The following ADAM32 variants were observed in gnomAD, a reference collection of about 807,000 sequenced individuals.
The protein encoded by ADAM32 is disintegrin and metalloproteinase domain-containing protein 32.
ADAM32 carries 89 observed loss-of-function variants against 114.9 expected under a neutral mutation model. The observed-to-expected ratio is 0.77, with a 90% confidence interval of 0.65 to 0.92. ADAM32 has a LOEUF of 0.92. ADAM32 is among the 40% of genes least tolerant of loss of function. The pLI, the probability that ADAM32 is intolerant of heterozygous loss-of-function variation, is 0.00. For synonymous variants in ADAM32, 285 were observed against 307.5 expected (o/e 0.93, Z 0.77); for missense variants, 870 against 932.8 (o/e 0.93, Z 0.88).
chr8:39,271,358 T>C (rs1812707309), intron 20 of ADAM32, among the ~76,000 whole-genome samples: 1 of 151,924 alleles, frequency 6.6e-6, no homozygotes, highest in South Asian at 2.1e-4. Context: ...CAGAGAGCAA[T>C]GCATTACTCA....
chr8:39,269,764 G>T (rs535831433), intron 19 of ADAM32, among the ~76,000 whole-genome samples: 9 of 152,314 alleles, frequency 5.9e-5, no homozygotes, highest in African/African-American at 1.7e-4. Context: ...AATTCTGTGT[G>T]TGCTGTGTTA....
chr8:39,274,611 A>C (rs183547223), intron 21 of ADAM32, among the ~76,000 whole-genome samples: 1 of 152,336 alleles, frequency 6.6e-6, no homozygotes, highest in East Asian at 1.9e-4. Context: ...ATGTATAATT[A>C]GTAAAGAAAA....
chr8:39,138,335 C>A (rs190084035), intron 3 of ADAM32, among the ~76,000 whole-genome samples: 31 of 152,172 alleles, frequency 2.0e-4, no homozygotes, highest in Non-Finnish European at 2.5e-4. Flanking sequence ...TCCCCCACCC[C>A]CCAACAGGCC....
chr8:39,221,268 C>T, intron 12 of ADAM32: 1 of 168,748 alleles, frequency 5.9e-6, no homozygotes, highest in Non-Finnish European at 1.3e-5. Context: ...TATATTTTTC[C>T]ATGCCTTTAT....
chr8:39,187,041 G>A lies in ADAM32; in HGVS notation c.1048G>A (p.Val350Ile). 1 of 1,599,726 alleles carries A rather than the reference G, an allele frequency of 6.3e-7. No individual in the cohort carries two copies. Among genetic ancestry groups the A allele is most frequent in the South Asian group, 1.1e-5 (1 of 87,360 alleles). Residue 350 changes from valine to isoleucine, a missense_variant, in exon 11 of 25, where the codon GTT becomes ATT. Physicochemically the swap from Val to Ile is conservative, Grantham distance 29 (BLOSUM62 3). Transcript: ENST00000379907. ...SESTCIMNPEVVQSNGVKTFS... is the reference protein window; with the variant it reads ...SESTCIMNPEIVQSNGVKTFS... ...ATCCACCTGTATAATGAATCCAGAAGTTGTGTAAGTTTTAACAATTTATTT... is the reference window on the plus strand; with the variant it reads ...ATCCACCTGTATAATGAATCCAGAAATTGTGTAAGTTTTAACAATTTATTT...
chr8:39,210,911 CTG>C lies in ADAM32; in HGVS notation c.1053-217_1053-216del, dbSNP rs144579864. Among the ~76,000 whole-genome samples, 24 of 150,234 alleles carry C rather than the reference CTG, an allele frequency of 1.6e-4. No individual in the cohort carries two copies. In the South Asian group the frequency reaches 2.5e-3, roughly 16 times the overall value. On this transcript the variant is annotated intron_variant, in intron 11 of 24. Transcript: ENST00000379907. ...CTTTGCCTATTTTAAAATTGGATTA[CTG>C]TGTGTGTGTGTGTGTTGCTATTGAA...
rs540827048 is a variant in ADAM32, at chr8:39,118,075, T to A, written c.59-11T>A. On this transcript the variant is annotated splice_polypyrimidine_tract_variant and intron_variant, in intron 1 of 24. Transcript: ENST00000379907. ...AAGGTTACTAACTTTTTTTTTTTTTTATCTCTTCAGGTTTTCAAAATTCAC... is the reference window on the plus strand; with the variant it reads ...AAGGTTACTAACTTTTTTTTTTTTTAATCTCTTCAGGTTTTCAAAATTCAC... 219 of 1,423,540 alleles carry A rather than the reference T, an allele frequency of 1.5e-4. No homozygotes were observed. In the East Asian group the frequency reaches 1.8e-3, roughly 12 times the overall value. 88.2% of individuals were successfully genotyped at this position (1,423,540 alleles called of 1,614,324 possible).
rs575842798 is a variant in ADAM32, at chr8:39,138,475, C to G, written c.200+1757C>G. 2.0e-3 allele frequency among the ~76,000 whole-genome samples: 303 copies of G among 152,312 alleles called. 1 individual carries two copies. Among genetic ancestry groups the G allele is most frequent in the African/African-American group, 6.5e-3 (271 of 41,558 alleles). ...TGCTTAGAATGATGGTTTCCAGCTT[C>G]ATCCATGTCCCTGCAAAGGACATAA... On this transcript the variant is annotated intron_variant, in intron 3 of 24. Transcript: ENST00000379907.
At chr8:39,252,585 C>T (rs757142329) in intron 17 of ADAM32, among the ~76,000 whole-genome samples, 2 of 150,358 alleles carry the variant, frequency 1.3e-5, no homozygotes, top group Non-Finnish European at 3.0e-5. Context: ...AAGATTAGAG[C>T]ACAAATAAGA....
At chr8:39,225,395 TG>T (rs1276660698) in intron 14 of ADAM32, among the ~76,000 whole-genome samples, 2 of 152,200 alleles carry the variant, frequency 1.3e-5, no homozygotes, top group African/African-American at 4.8e-5. Flanking sequence ...TAGGCACCAG[TG>T]TGACTGCTGC....
chr8:39,153,624 T>A (rs1245501950), intron 6 of ADAM32, among the ~76,000 whole-genome samples: 2 of 152,194 alleles, frequency 1.3e-5, no homozygotes, highest in Non-Finnish European at 2.9e-5. Context: ...AGGACAACTC[T>A]GTAGCACAAC....
intron 11 of ADAM32, among the ~76,000 whole-genome samples, chr8:39,205,593 G>C (rs947100959): frequency 2.6e-5 from 4 of 152,222 alleles, no homozygotes; most frequent in African/African-American, 9.6e-5. Context: ...ACCTTGCCCT[G>C]CTTCGCCTCA....
intron 4 of ADAM32, among the ~76,000 whole-genome samples, chr8:39,148,508 G>A (rs932278475): frequency 9.4e-5 from 14 of 149,332 alleles, no homozygotes; most frequent in African/African-American, 3.5e-4. Flanking sequence ...TTTTCCCATG[G>A]CAGTTATCAA....
intron 14 of ADAM32, among the ~76,000 whole-genome samples, chr8:39,226,401 C>G (rs1809371752): frequency 6.6e-6 from 1 of 152,096 alleles, no homozygotes; most frequent in Non-Finnish European, 1.5e-5. Flanking sequence ...CAAAATCCTT[C>G]AGTCAGGTTT....
At chr8:39,168,713 A>G (rs1348725505) in intron 9 of ADAM32, 3 of 152,216 alleles carry the variant, frequency 2.0e-5, no homozygotes, top group African/African-American at 4.8e-5. Flanking sequence ...TTTATAGAGT[A>G]TGGAATTCAT....
Position 39,164,798 on chromosome 8 carries a change from CAAAT to C in ADAM32, c.633_636del (p.Asn211LysfsTer48). 1 of 1,607,454 alleles carries C rather than the reference CAAAT, an allele frequency of 6.2e-7. No homozygotes were observed. ...TGGGGCTCTGATAGCATGATAGTAA[CAAAT>C]AAAGTCATCGAAATTGTTGGCCTTG... is the stretch of plus-strand genomic sequence containing the variant. On this transcript the variant is annotated frameshift_variant, in exon 8 of 25. Transcript: ENST00000379907. LOFTEE classifies it high-confidence loss of function.
chr8:39,131,812 T>C (rs1402286581), intron 2 of ADAM32, among the ~76,000 whole-genome samples: 1 of 152,232 alleles, frequency 6.6e-6, no homozygotes. Flanking sequence ...ACAATATATA[T>C]ATTTCCATTA....
At chr8:39,263,338 A>G (rs577759937) in intron 19 of ADAM32, among the ~76,000 whole-genome samples, 1 of 152,166 alleles carries the variant, frequency 6.6e-6, no homozygotes, top group East Asian at 1.9e-4. Flanking sequence ...TTTTATCTTT[A>G]TACTTAAACT....
In ADAM32 at chr8:39,141,095, G is replaced by C. The variant is rs548992784; in HGVS notation, c.200+4377G>C. Among the ~76,000 whole-genome samples, 3 of 151,824 alleles carry C rather than the reference G, an allele frequency of 2.0e-5. 1 individual carries two copies. In the East Asian group the frequency reaches 5.8e-4, roughly 29 times the overall value. On this transcript the variant is annotated intron_variant, in intron 3 of 24. Coordinates refer to ENST00000379907, the MANE Select transcript of ADAM32 (RefSeq NM_145004.7). ...TTCTTCTCTCTTTTCTTCTTTATTA[G>C]TCTTGCTAGTGGTCTATCAATTTTG...
Sources: allele counts gnomAD v4.1 joint callset (sites outside exome capture counted in the v4.1 genomes callset), GRCh38; gene constraint gnomAD v4.1.1; transcripts MANE v1.5; gene names NCBI Gene and HGNC (gene_info 2026-07-23, HGNC 2026-07-21).